LOC400499: variants seen among roughly 807,000 people sequenced by gnomAD.
chr16:11,379,671 C>T, the LOC400499 span, among the ~76,000 whole-genome samples: 1 of 152,216 alleles, frequency 6.6e-6, no homozygotes, highest in African/African-American at 2.4e-5. Flanking sequence ...CGGGACTTCC[C>T]GATGGGGAAG....
chr16:11,426,281 T>C, the LOC400499 span, among the ~76,000 whole-genome samples: 1 of 151,944 alleles, frequency 6.6e-6, no homozygotes, highest in Non-Finnish European at 1.5e-5. Flanking sequence ...ACTAAGAATA[T>C]AAAAATTAGC....
the LOC400499 span, chr16:11,387,156 C>T: frequency 8.1e-7 from 1 of 1,232,248 alleles, no homozygotes; most frequent in Non-Finnish European, 1.0e-6. Flanking sequence ...CAGTAGTACT[C>T]AGCCAGCACG....
At chr16:11,517,943 C>A in the LOC400499 span, among the ~76,000 whole-genome samples, 1 of 152,206 alleles carries the variant, frequency 6.6e-6, no homozygotes, top group Non-Finnish European at 1.5e-5. Flanking sequence ...CCACTTCTAC[C>A]TTCCAGGGGG....
At chr16:11,406,796 G>C in the LOC400499 span, among the ~76,000 whole-genome samples, 5 of 152,344 alleles carry the variant, frequency 3.3e-5, no homozygotes, top group African/African-American at 9.6e-5. Context: ...CGTCTCTTCA[G>C]TGGGGCCTTT....
the LOC400499 span, among the ~76,000 whole-genome samples, chr16:11,457,313 G>A: frequency 6.6e-6 from 1 of 152,216 alleles, no homozygotes; most frequent in Non-Finnish European, 1.5e-5. Flanking sequence ...TAAAGATCGG[G>A]CCGGGCACGG....
At chr16:11,523,400 G>A in the LOC400499 span, 36 of 398,702 alleles carry the variant, frequency 9.0e-5, no homozygotes, top group South Asian at 7.6e-4. Flanking sequence ...GTGATCAGGC[G>A]TCCTGAGAGA....
chr16:11,377,476 T>G, the LOC400499 span, among the ~76,000 whole-genome samples: 2 of 152,240 alleles, frequency 1.3e-5, no homozygotes, highest in South Asian at 2.1e-4. Flanking sequence ...TTTATTATGT[T>G]GAGGTCATTT....
chr16:11,440,846 G>A, the LOC400499 span: 5 of 398,934 alleles, frequency 1.3e-5, no homozygotes, highest in African/African-American at 2.1e-5. Flanking sequence ...AAGCTCAGCT[G>A]GGAAGAAATA....
chr16:11,511,674 T>A, the LOC400499 span, among the ~76,000 whole-genome samples: 967 of 152,174 alleles, frequency 6.4e-3, 11 homozygotes, highest in African/African-American at 0.022. Context: ...GCTGCCAGGG[T>A]CTGGGAAGAT....
the LOC400499 span, among the ~76,000 whole-genome samples, chr16:11,489,328 C>T: frequency 2.4e-4 from 37 of 152,306 alleles, 2 homozygotes; most frequent in South Asian, 7.2e-3. Context: ...GTTTTCTCAT[C>T]TGAAGAAGGA....
the LOC400499 span, among the ~76,000 whole-genome samples, chr16:11,527,134 C>T: frequency 6.6e-6 from 1 of 152,208 alleles, no homozygotes; most frequent in African/African-American, 2.4e-5. Context: ...CCATCAGCGG[C>T]CAGAGCAGGA....
At chr16:11,397,773 TGGAGGGAGGGAGGGAG>T in the LOC400499 span, among the ~76,000 whole-genome samples, 1 of 34,684 alleles carries the variant, frequency 2.9e-5, no homozygotes, top group African/African-American at 1.2e-4. Flanking sequence ...GAGGGAGGGA[TGGAGGGAGGGAGGGAG>T]GGAGGGAGGG....
chr16:11,490,113 G>A, the LOC400499 span, among the ~76,000 whole-genome samples: 1 of 152,196 alleles, frequency 6.6e-6, no homozygotes, highest in South Asian at 2.1e-4. Flanking sequence ...GCAAGCAGCA[G>A]GCTGGACCCA....
chr16:11,437,806 T>C, the LOC400499 span, among the ~76,000 whole-genome samples: 3 of 151,540 alleles, frequency 2.0e-5, no homozygotes, highest in African/African-American at 7.3e-5. Context: ...GAGGCAGAGG[T>C]TGCAGTGAGC....
the LOC400499 span, among the ~76,000 whole-genome samples, chr16:11,380,526 CAAAAA>C: frequency 1.3e-5 from 2 of 149,324 alleles, no homozygotes; most frequent in African/African-American, 4.9e-5. Context: ...GACCCTGTCT[CAAAAA>C]AAAATAAGAA....
chr16:11,434,809 C>T, the LOC400499 span, among the ~76,000 whole-genome samples: 7 of 152,148 alleles, frequency 4.6e-5, no homozygotes, highest in South Asian at 6.2e-4. Flanking sequence ...CAGCCGTGGC[C>T]GAGTTGGGAC....
At chr16:11,493,294 C>T in the LOC400499 span, among the ~76,000 whole-genome samples, 2 of 152,206 alleles carry the variant, frequency 1.3e-5, no homozygotes, top group African/African-American at 4.8e-5. Flanking sequence ...GGAAAGCAGC[C>T]ATAGATAACA....
the LOC400499 span, chr16:11,402,224 A>C: frequency 1.4e-4 from 56 of 398,794 alleles, no homozygotes; most frequent in Non-Finnish European, 1.9e-4. Context: ...TCCAGGCCCA[A>C]GGGGGTTCAG....
At chr16:11,446,636 C>G in the LOC400499 span, 4 of 1,536,032 alleles carry the variant, frequency 2.6e-6, no homozygotes, top group Non-Finnish European at 3.5e-6. Context: ...CCTGCACAGA[C>G]CTGGGAGGGA....
Sources: allele counts gnomAD v4.1 joint callset (sites outside exome capture counted in the v4.1 genomes callset), GRCh38; gene constraint gnomAD v4.1.1; transcripts MANE v1.5.